The following G6PC3 variants were observed in gnomAD, a reference collection of about 807,000 sequenced individuals.
G6PC3 encodes glucose-6-phosphatase 3.
In G6PC3, 30 loss-of-function variants were observed where a neutral mutation model predicts 38.6. The observed-to-expected ratio is 0.78, with a 90% confidence interval of 0.58 to 1.05. G6PC3 has a LOEUF of 1.05. Ranked by LOEUF, G6PC3 falls within the 50% of genes least tolerant of loss-of-function variation. The pLI is 0.00. For missense variants in G6PC3, 377 were observed against 443.1 expected, an observed-to-expected ratio of 0.85 and a Z score of 1.34; for synonymous variants, 192 against 178.1, an observed-to-expected ratio of 1.08 and a Z score of -0.62.
In G6PC3 at chr17:44,070,840, T is replaced by TGGCGGGGCGGGGCCTGGGGCTC; in HGVS notation, c.-125_-104dup. The TGGCGGGGCGGGGCCTGGGGCTC allele has an allele frequency of 1.8e-6, 2 of 1,082,066 alleles. No individual in the cohort carries two copies. Among genetic ancestry groups the TGGCGGGGCGGGGCCTGGGGCTC allele is most frequent in the Non-Finnish European group, 2.7e-6 (2 of 749,380 alleles). The allele number at this position is 1,082,066 out of a possible 1,614,324, so 67.0% of individuals were successfully genotyped here. On this transcript the variant is annotated 5_prime_UTR_variant, in exon 1 of 6. Transcript: ENST00000269097. ...GGGGGCGGGGCTTGGTGGTGACCGCTGGCGGGGCGGGGCCTGGGGCTCAGA... is the reference window on the plus strand; with the variant it reads ...GGGGGCGGGGCTTGGTGGTGACCGCTGGCGGGGCGGGGCCTGGGGCTCGGCGGGGCGGGGCCTGGGGCTCAGA...
chr17:44,075,109 G>T (rs748137021), intron 4 of G6PC3, 22 bp downstream of exon 4: 1 of 1,587,664 alleles, frequency 6.3e-7, no homozygotes, highest in African/African-American at 1.3e-5. Flanking sequence ...GGGCAACGGG[G>T]TGGACTGAGA....
At chr17:44,071,653 G>T in intron 1 of G6PC3, 2 of 1,283,630 alleles carry the variant, frequency 1.6e-6, no homozygotes, top group Non-Finnish European at 2.0e-6. Flanking sequence ...TGGGCATCAC[G>T]GTAGCTGCTA....
At position 44,071,174 on chromosome 17, in the gene G6PC3, TCTTC is replaced by T. The variant is rs1567967721; in HGVS notation, c.210_213del (p.Phe71SerfsTer45). 1.9e-6 allele frequency: 3 copies of T among 1,613,362 alleles called. No homozygotes were observed. Among genetic ancestry groups the T allele is most frequent in the Non-Finnish European group, 2.5e-6 (3 of 1,179,922 alleles). ...CTCATCACCGAGTGGCTCAACCTCA[TCTTC>T]AAGTGGTGAGACAGAGAAGCCCTCC... On this transcript the variant is annotated frameshift_variant, in exon 1 of 6. Transcript: ENST00000269097.
chr17:44,076,100 C>A lies in G6PC3; in HGVS notation c.*57C>A. 6.2e-7 allele frequency: 1 copy of A among 1,603,740 alleles called. No homozygotes were observed. The highest frequency in any genetic ancestry group is 1.1e-5 in the South Asian group (1 of 90,636). ...CACAAAGCCAACACTCTGTGACCAC[C>A]ACACTCCAGGAGGCAGCCCCATCCC... On this transcript the variant is annotated 3_prime_UTR_variant, in exon 6 of 6. Coordinates refer to ENST00000269097, the MANE Select transcript of G6PC3 (RefSeq NM_138387.4).
chr17:44,074,557 T>TG, intron 2 of G6PC3, 123 bp from the exon 3 acceptor site: 1 of 837,392 alleles, frequency 1.2e-6, no homozygotes, highest in Non-Finnish European at 2.0e-6. Context: ...GAGCGAGTTA[T>TG]GAATCAGTGC....
rs1349443307 is a variant in G6PC3, at chr17:44,070,956, C to T, written c.-10C>T. On this transcript the variant is annotated 5_prime_UTR_variant, in exon 1 of 6. Coordinates refer to ENST00000269097, the MANE Select transcript of G6PC3 (RefSeq NM_138387.4). ...GAGCAAGCCGGGGCCTGGTCGGCAG[C>T]TGGGCCGCCATGGAGTCCACGCTGG... The T allele has an allele frequency of 6.5e-7, 1 of 1,549,862 alleles. No individual in the cohort carries two copies. The highest frequency in any genetic ancestry group is 8.7e-7 in the Non-Finnish European group (1 of 1,147,130).
At position 44,076,121 on chromosome 17, in the gene G6PC3, A is replaced by C. The variant is rs2050105643; in HGVS notation, c.*78A>C. 3 of 1,581,518 alleles carry C rather than the reference A, an allele frequency of 1.9e-6. No individual in the cohort carries two copies. In the South Asian group the frequency reaches 3.3e-5, roughly 18 times the overall value. On this transcript the variant is annotated 3_prime_UTR_variant, in exon 6 of 6. Coordinates refer to ENST00000269097, the MANE Select transcript of G6PC3 (RefSeq NM_138387.4). Reference sequence around the variant, plus strand: ...CCACCACACTCCAGGAGGCAGCCCCATCCCCTTCCAGCCCCTAAGTAGGCC... The same window carrying C: ...CCACCACACTCCAGGAGGCAGCCCCCTCCCCTTCCAGCCCCTAAGTAGGCC...
At chr17:44,072,024 G>C (rs1349894205) in intron 1 of G6PC3, 1 of 252,762 alleles carries the variant, frequency 4.0e-6, no homozygotes. Flanking sequence ...CAGATCCTCA[G>C]CCTGGGGGAA....
chr17:44,074,337 C>A, intron 2 of G6PC3, 71 bp downstream of exon 2: 1 of 1,252,698 alleles, frequency 8.0e-7, no homozygotes, highest in Non-Finnish European at 1.2e-6. Context: ...GAGTACTTTT[C>A]AGCCTGGGTG....
At chr17:44,075,259 G>A (rs763187590) in intron 4 of G6PC3, 51 bp from the exon 5 acceptor site, 3 of 1,611,706 alleles carry the variant, frequency 1.9e-6, no homozygotes, top group Non-Finnish European at 1.7e-6. Flanking sequence ...TCGGGGTGGG[G>A]AGGGTCATAT....
intron 2 of G6PC3, 125 bp from the exon 3 acceptor site, chr17:44,074,555 T>TA (rs889753872): frequency 1.2e-6 from 1 of 829,934 alleles, no homozygotes; most frequent in Admixed American, 2.0e-5. Context: ...CAGAGCGAGT[T>TA]ATGAATCAGT....
chr17:44,074,768 C>A lies in G6PC3; in HGVS notation c.414C>A (p.Arg138=). 1 of 1,613,580 alleles carries A rather than the reference C, an allele frequency of 6.2e-7. No individual in the cohort carries two copies. Among genetic ancestry groups the A allele is most frequent in the Non-Finnish European group, 8.5e-7 (1 of 1,179,662 alleles). ...ALSSQVATRA[R]SRWVRVMPSL... is the part of the protein sequence containing the mutation. ...CTTCGCAGGTGGCCACTCGGGCCCG[C>A]AGGTATACCCTTGGCATTGCCCACC... Residue 138 remains arginine (R), a splice_region_variant and synonymous_variant, in exon 3 of 6, where the codon CGC becomes CGA. Transcript: ENST00000269097.
intron 3 of G6PC3, 36 bp downstream of exon 3, chr17:44,074,806 G>T (rs1350109921): frequency 6.3e-7 from 1 of 1,582,966 alleles, no homozygotes; most frequent in African/African-American, 1.3e-5. Context: ...TGGGAGCAGG[G>T]GTGATGGCAC....
intron 3 of G6PC3, 77 bp from the exon 4 acceptor site, chr17:44,074,892 C>T: frequency 6.9e-7 from 1 of 1,456,792 alleles, no homozygotes; most frequent in Non-Finnish European, 9.6e-7. Context: ...GTGGTTCAAC[C>T]ATGGAGTACC....
intron 1 of G6PC3, chr17:44,071,703 AC>A: frequency 8.5e-7 from 1 of 1,177,190 alleles, no homozygotes; most frequent in Non-Finnish European, 1.1e-6. Flanking sequence ...TGGTCCCTGG[AC>A]CATGCCCAAC....
rs993498408 is a variant in G6PC3, at chr17:44,076,047, C to T, written c.*4C>T. 4 of 1,612,274 alleles carry T rather than the reference C, an allele frequency of 2.5e-6. No homozygotes were observed. In the African/African-American group the frequency reaches 4.0e-5, roughly 16 times the overall value. On this transcript the variant is annotated 3_prime_UTR_variant, in exon 6 of 6. Coordinates refer to ENST00000269097, the MANE Select transcript of G6PC3 (RefSeq NM_138387.4). ...ACCGCCCATCCACTCTTCCTGACTTCTTGTGTGCCTCCCTTTCCTTTCCCT... is the reference window on the plus strand; with the variant it reads ...ACCGCCCATCCACTCTTCCTGACTTTTTGTGTGCCTCCCTTTCCTTTCCCT...
chr17:44,074,288 C>T (rs1181668941), intron 2 of G6PC3, 22 bp downstream of exon 2: 1 of 1,548,582 alleles, frequency 6.5e-7, no homozygotes, highest in East Asian at 2.2e-5. Context: ...CAAACATTCT[C>T]CCTTTCCCAA....
intron 1 of G6PC3, chr17:44,071,532 A>G: frequency 1.5e-6 from 1 of 671,948 alleles, no homozygotes; most frequent in Non-Finnish European, 2.2e-6. Context: ...ATGGGAATTC[A>G]TATTTTAACA....
In G6PC3 at chr17:44,074,738, C is replaced by T. The variant is rs575707889; in HGVS notation, c.384C>T (p.Ala128=). ...CAGCCCTCTGGCCCATAATGACGGC[C>T]CTGTCTTCGCAGGTGGCCACTCGGG... ...TGAALWPIMT[A]LSSQVATRAR... Residue 128 remains alanine (A), a synonymous_variant, in exon 3 of 6, where the codon GCC becomes GCT. Coordinates refer to ENST00000269097, the MANE Select transcript of G6PC3 (RefSeq NM_138387.4). 8 of 1,614,046 alleles carry T rather than the reference C, an allele frequency of 5.0e-6. No homozygotes were observed. The East Asian group carries it at 1.3e-4, about 27-fold the overall frequency.
Sources: allele counts gnomAD v4.1 joint callset, GRCh38; gene constraint gnomAD v4.1.1; transcripts MANE v1.5; gene names NCBI Gene and HGNC (gene_info 2026-07-23, HGNC 2026-07-21).